Variants in PCDH17 observed in about 807,000 individuals in gnomAD.
The protein encoded by PCDH17 is protocadherin 17, also known as protocadherin-17.
A neutral mutation model predicts 67.7 loss-of-function variants in PCDH17; 21 were observed. The observed-to-expected ratio is 0.31, with a 90% confidence interval of 0.22 to 0.45. The LOEUF (loss-of-function observed/expected upper bound fraction) is 0.45. PCDH17 is among the 20% of genes least tolerant of loss of function. The pLI is 1.00. For synonymous variants in PCDH17, 701 were observed against 656.7 expected (o/e 1.07, Z -1.03); for missense variants, 1,471 against 1,564.8 (o/e 0.94, Z 1.01).
chr13:57,657,319 G>A (rs1274465211), intron 1 of PCDH17, among the ~76,000 whole-genome samples: 1 of 152,124 alleles, frequency 6.6e-6, no homozygotes, highest in African/African-American at 2.4e-5. Flanking sequence ...AATACCCAAT[G>A]TTTTTATTAC....
At chr13:57,690,788 T>C (rs1163427586) in intron 3 of PCDH17, among the ~76,000 whole-genome samples, 1 of 151,546 alleles carries the variant, frequency 6.6e-6, no homozygotes, top group Non-Finnish European at 1.5e-5. Context: ...GTGATATAAA[T>C]CATGAAATCT....
Position 57,638,324 on chromosome 13 carries a change from G to A in PCDH17, c.2565+3213G>A, listed in dbSNP as rs188279340. Among the ~76,000 whole-genome samples the A allele has an allele frequency of 8.5e-5, 13 of 152,222 alleles. No individual in the cohort carries two copies. The East Asian group carries it at 2.3e-3, about 27-fold the overall frequency. On this transcript the variant is annotated intron_variant, in intron 1 of 3. Coordinates refer to ENST00000377918, the MANE Select transcript of PCDH17 (RefSeq NM_001040429.3). ...CTTATCGTGATTTATCAAGAATTAA[G>A]TGCTAAGTCTCAGGGTGACTTCTCA...
chr13:57,722,296 G>A (rs1955877915), intron 3 of PCDH17, among the ~76,000 whole-genome samples: 1 of 152,072 alleles, frequency 6.6e-6, no homozygotes, highest in African/African-American at 2.4e-5. Context: ...GCAATGAAAG[G>A]CCAGTCAATA....
intron 3 of PCDH17, among the ~76,000 whole-genome samples, chr13:57,704,569 A>C (rs999059612): frequency 9.9e-5 from 15 of 151,740 alleles, no homozygotes; most frequent in African/African-American, 2.2e-4. Context: ...CTATCCAAAA[A>C]AAAAAAACAA....
intron 3 of PCDH17, among the ~76,000 whole-genome samples, chr13:57,696,937 C>T (rs1048276342): frequency 4.6e-5 from 7 of 151,614 alleles, no homozygotes. Flanking sequence ...TTGACAGTCT[C>T]AACAAACTGA....
intron 3 of PCDH17, among the ~76,000 whole-genome samples, chr13:57,711,851 A>G (rs9527686): frequency 0.33 from 50,472 of 151,098 alleles, 8,824 homozygotes; most frequent in Middle Eastern, 0.37. Flanking sequence ...TTTTATAGGT[A>G]ATAAATACAT....
At chr13:57,670,043 T>A (rs937430081) in intron 3 of PCDH17, among the ~76,000 whole-genome samples, 1 of 152,048 alleles carries the variant, frequency 6.6e-6, no homozygotes, top group Non-Finnish European at 1.5e-5. Flanking sequence ...TAAGTAACTA[T>A]TAAGCAACTT....
At chr13:57,708,575 A>G (rs1955742467) in intron 3 of PCDH17, among the ~76,000 whole-genome samples, 1 of 152,000 alleles carries the variant, frequency 6.6e-6, no homozygotes, top group African/African-American at 2.4e-5. Context: ...TACTTTAAAA[A>G]TAGGACAGAA....
intron 3 of PCDH17, among the ~76,000 whole-genome samples, chr13:57,702,012 G>C (rs989900939): frequency 6.6e-6 from 1 of 151,896 alleles, no homozygotes; most frequent in African/African-American, 2.4e-5. Flanking sequence ...CTGTCTCCCA[G>C]GTTCAAGCGA....
chr13:57,672,637 G>GT, intron 3 of PCDH17, among the ~76,000 whole-genome samples: 1 of 151,976 alleles, frequency 6.6e-6, no homozygotes, highest in East Asian at 1.9e-4. Flanking sequence ...TGAGCTAGAG[G>GT]TTTAAGGTGC....
At chr13:57,719,530 A>G (rs1420489764) in intron 3 of PCDH17, among the ~76,000 whole-genome samples, 1 of 152,090 alleles carries the variant, frequency 6.6e-6, no homozygotes, top group African/African-American at 2.4e-5. Context: ...TTTCAGGTGT[A>G]CAAATATGTA....
intron 3 of PCDH17, among the ~76,000 whole-genome samples, chr13:57,680,139 C>CATATAT: frequency 6.7e-6 from 1 of 148,604 alleles, no homozygotes; most frequent in South Asian, 2.1e-4. Context: ...GTTATATCTA[C>CATATAT]ATATATATAT....
chr13:57,702,290 CAG>C (rs1434182865), intron 3 of PCDH17, among the ~76,000 whole-genome samples: 1 of 151,974 alleles, frequency 6.6e-6, no homozygotes, highest in Non-Finnish European at 1.5e-5. Context: ...CATGTCTAAA[CAG>C]AGTTTGTGCC....
chr13:57,669,902 A>G (rs2138029461), intron 3 of PCDH17, among the ~76,000 whole-genome samples: 1 of 152,150 alleles, frequency 6.6e-6, no homozygotes, highest in African/African-American at 2.4e-5. Context: ...CAAGGGGGAG[A>G]AGATCAAAAT....
chr13:57,641,586 A>T (rs2807637), intron 1 of PCDH17, among the ~76,000 whole-genome samples: 1 of 92,580 alleles, frequency 1.1e-5, no homozygotes, highest in Non-Finnish European at 2.1e-5. Context: ...AAAAAAAAAA[A>T]AATATATATA....
chr13:57,715,292 T>C (rs934237296), intron 3 of PCDH17, among the ~76,000 whole-genome samples: 9 of 151,820 alleles, frequency 5.9e-5, no homozygotes, highest in Non-Finnish European at 1.2e-4. Context: ...GAGTAATTTA[T>C]AAAGTATGTA....
Position 57,633,715 on chromosome 13 carries a change from G to C in PCDH17, c.1169G>C (p.Arg390Pro). ...DSGKNGQLQCRVLGGGGTGGG... is the reference protein window; with the variant it reads ...DSGKNGQLQCPVLGGGGTGGG... Reference sequence around the variant, plus strand: ...GGCAAGAACGGACAGCTGCAGTGTCGGGTCCTAGGCGGAGGAGGGACGGGC... The same window carrying C: ...GGCAAGAACGGACAGCTGCAGTGTCCGGTCCTAGGCGGAGGAGGGACGGGC... The change falls in exon 1 of 4, where the codon CGG becomes CCG. Residue 390 changes from arginine to proline, a missense_variant. Physicochemically the swap from Arg to Pro is moderately radical, Grantham distance 103 (BLOSUM62 -2). This residue lies in a region of PCDH17 where 1,163 missense variants were observed against 1,230.0 expected (regional missense o/e 0.95). Coordinates refer to ENST00000377918, the MANE Select transcript of PCDH17 (RefSeq NM_001040429.3). The surrounding 1 kb of genome is among the most constrained non-coding windows in gnomAD (Gnocchi z 6.2). 1.2e-6 allele frequency: 2 copies of C among 1,601,720 alleles called. No individual in the cohort carries two copies. Among genetic ancestry groups the C allele is most frequent in the Non-Finnish European group, 1.7e-6 (2 of 1,179,240 alleles).
chr13:57,633,896 T>G lies in PCDH17; in HGVS notation c.1350T>G (p.Pro450=). 2 of 1,613,024 alleles carry G rather than the reference T, an allele frequency of 1.2e-6. No individual in the cohort carries two copies. The highest frequency in any genetic ancestry group is 1.7e-6 in the Non-Finnish European group (2 of 1,179,976). ...VTIVARDGGS[P]PLNSTKSFAI... is the part of the protein sequence containing the mutation. ...TCGTGGCGCGGGACGGGGGCTCTCC[T>G]CCCCTCAACTCCACCAAGTCGTTCG... Residue 450 remains proline, a synonymous_variant, in exon 1 of 4, where the codon CCT becomes CCG. Coordinates refer to ENST00000377918, the MANE Select transcript of PCDH17 (RefSeq NM_001040429.3). The surrounding 1 kb of genome is among the most constrained non-coding windows in gnomAD (Gnocchi z 6.2).
intron 3 of PCDH17, among the ~76,000 whole-genome samples, chr13:57,695,221 A>G (rs1195841116): frequency 2.6e-5 from 4 of 151,284 alleles, no homozygotes; most frequent in Non-Finnish European, 5.9e-5. Flanking sequence ...TATCTGTTAT[A>G]AAACAAAAGC....
Sources: gnomAD v4.1 joint callset for allele counts (sites outside exome capture counted in the v4.1 genomes callset) on GRCh38, gnomAD v4.1.1 for gene constraint, gnomAD v4.1.1 regional missense constraint, Gnocchi (gnomAD v3.1) non-coding constraint, MANE v1.5 for transcripts, NCBI Gene and HGNC (gene_info 2026-07-23, HGNC 2026-07-21) for gene names.